The following SLC7A5 variants were observed in gnomAD, a reference collection of about 807,000 sequenced individuals.
SLC7A5 encodes large neutral amino acids transporter small subunit 1.
Under a neutral mutation model 50.2 loss-of-function variants are expected in SLC7A5, and 23 were observed. That is an observed-to-expected ratio of 0.46 (90% CI 0.33 to 0.65). The LOEUF is 0.65. Ranked by LOEUF, SLC7A5 falls within the 30% of genes least tolerant of loss-of-function variation. The pLI is 0.02. For synonymous variants in SLC7A5, 393 were observed against 330.6 expected (o/e 1.19, Z -2.05); for missense variants, 578 against 684.4 (o/e 0.84, Z 1.73).
chr16:87,844,053 C>T (rs908778961), intron 2 of SLC7A5, among the ~76,000 whole-genome samples: 3 of 150,842 alleles, frequency 2.0e-5, no homozygotes, highest in African/African-American at 7.5e-5. Flanking sequence ...CAGCCTCCAC[C>T]CACAAGGAGG....
intron 3 of SLC7A5, 65 bp downstream of exon 3, chr16:87,840,985 G>A: frequency 8.8e-7 from 1 of 1,133,186 alleles, no homozygotes; most frequent in Non-Finnish European, 1.3e-6. Context: ...GGAGATTTGG[G>A]ATTCCTGGAC....
chr16:87,862,639 G>C lies in SLC7A5; in HGVS notation c.538+6246C>G, dbSNP rs9933362. On this transcript the variant is annotated intron_variant, in intron 1 of 9. Coordinates refer to ENST00000261622, the MANE Select transcript of SLC7A5 (RefSeq NM_003486.7). This position sits in a 1 kb window ranked among gnomAD's most constrained non-coding sequence, Gnocchi z 5.3. ...GGCTGAGGGCTGCTCCATGTGCACA[G>C]TGAGCAGGAGATACAGGCACGTGGA... is the stretch of plus-strand genomic sequence containing the variant. 0.013 allele frequency among the ~76,000 whole-genome samples: 2,026 copies of C among 152,360 alleles called. 60 individuals are homozygous for C. Among genetic ancestry groups the C allele is most frequent in the African/African-American group, 0.046 (1,929 of 41,590 alleles).
chr16:87,863,339 G>T (rs988044475), intron 1 of SLC7A5, among the ~76,000 whole-genome samples: 4 of 152,142 alleles, frequency 2.6e-5, no homozygotes, highest in Non-Finnish European at 4.4e-5. Context: ...ACTTTGAGTG[G>T]ATGCTACCCT....
At chr16:87,842,357 A>G (rs927484106) in intron 2 of SLC7A5, among the ~76,000 whole-genome samples, 1 of 152,200 alleles carries the variant, frequency 6.6e-6, no homozygotes, top group African/African-American at 2.4e-5. Context: ...ATGGGGGCCC[A>G]AGAAGGGGAA....
intron 1 of SLC7A5, among the ~76,000 whole-genome samples, chr16:87,868,604 C>G (rs2055492538): frequency 6.6e-6 from 1 of 152,198 alleles, no homozygotes; most frequent in Non-Finnish European, 1.5e-5. Flanking sequence ...TGGCACTTGC[C>G]TAAACCGCTT....
chr16:87,850,328 G>A (rs2143778872), intron 2 of SLC7A5, among the ~76,000 whole-genome samples: 1 of 152,250 alleles, frequency 6.6e-6, no homozygotes, highest in African/African-American at 2.4e-5. Context: ...GCATGTTTTG[G>A]CCTGGCCGTG....
Position 87,860,898 on chromosome 16 carries a change from A to G in SLC7A5, c.538+7987T>C, listed in dbSNP as rs944212300. Among the ~76,000 whole-genome samples, 2 of 152,184 alleles carry G rather than the reference A, an allele frequency of 1.3e-5. No individual in the cohort carries two copies. Among genetic ancestry groups the G allele is most frequent in the Admixed American group, 6.5e-5 (1 of 15,286 alleles). The stretch of plus-strand genomic sequence containing the variant: ...GGGGTGGTCTGACGGCCAGGGATGC[A>G]GGGAGAGACGCCTCCCACACTCCCG... On this transcript the variant is annotated intron_variant, in intron 1 of 9. Transcript: ENST00000261622. The surrounding 1 kb of genome is among the most constrained non-coding windows in gnomAD (Gnocchi z 4.8).
At chr16:87,864,426 C>T (rs2055437311) in intron 1 of SLC7A5, among the ~76,000 whole-genome samples, 1 of 152,216 alleles carries the variant, frequency 6.6e-6, no homozygotes, top group African/African-American at 2.4e-5. Flanking sequence ...ATCCTGCCCA[C>T]TGGTCCGGGC....
intron 1 of SLC7A5, among the ~76,000 whole-genome samples, chr16:87,857,679 A>G (rs56688704): frequency 0.26 from 39,075 of 152,174 alleles, 5,687 homozygotes; most frequent in African/African-American, 0.38. Flanking sequence ...CCCTGGGCAA[A>G]CAGAGAGATG....
chr16:87,853,219 C>A lies in SLC7A5; in HGVS notation c.539-1370G>T, dbSNP rs184742234. On this transcript the variant is annotated intron_variant, in intron 1 of 9. Transcript: ENST00000261622. The surrounding 1 kb of genome is among the most constrained non-coding windows in gnomAD (Gnocchi z 4.4). ...ATCCTGTGGAATCTTACAATGTAAG[C>A]AACAGACCCCGAGGAAAGACATCCA... 6.6e-6 allele frequency among the ~76,000 whole-genome samples: 1 copy of A among 152,328 alleles called. No homozygotes were observed. The highest frequency in any genetic ancestry group is 1.5e-5 in the Non-Finnish European group (1 of 68,030).
intron 8 of SLC7A5, 99 bp downstream of exon 8, chr16:87,836,399 G>C (rs2055003780): frequency 7.1e-7 from 1 of 1,402,458 alleles, no homozygotes; most frequent in African/African-American, 1.4e-5. Context: ...CAGGTCCAGA[G>C]GCTGAGCTGG....
Position 87,842,793 on chromosome 16 carries a change from C to T in SLC7A5, c.665-1638G>A, listed in dbSNP as rs141038096. ...TTCTGGTCACCAGGTGGTCAGCAGGCGGAGCTTGACTCTGCAGGCCTGGAG... is the reference window on the plus strand; with the variant it reads ...TTCTGGTCACCAGGTGGTCAGCAGGTGGAGCTTGACTCTGCAGGCCTGGAG... On this transcript the variant is annotated intron_variant, in intron 2 of 9. Transcript: ENST00000261622. Among the ~76,000 whole-genome samples, 534 of 152,304 alleles carry T rather than the reference C, an allele frequency of 3.5e-3. 3 individuals are homozygous for T. Among genetic ancestry groups the T allele is most frequent in the African/African-American group, 0.013 (521 of 41,558 alleles).
chr16:87,868,329 G>T (rs907430281), intron 1 of SLC7A5, among the ~76,000 whole-genome samples: 6 of 152,082 alleles, frequency 3.9e-5, no homozygotes, highest in Non-Finnish European at 8.8e-5. Flanking sequence ...GGAACCCTCA[G>T]GGGGGATCCC....
intron 2 of SLC7A5, among the ~76,000 whole-genome samples, chr16:87,851,469 C>T (rs867439014): frequency 6.6e-6 from 1 of 152,196 alleles, no homozygotes; most frequent in Non-Finnish European, 1.5e-5. Context: ...TCACAGACAT[C>T]GCAGCGTAAA....
intron 2 of SLC7A5, among the ~76,000 whole-genome samples, chr16:87,846,886 C>A (rs2055161113): frequency 6.6e-6 from 1 of 152,232 alleles, no homozygotes; most frequent in Non-Finnish European, 1.5e-5. Flanking sequence ...ACGCGGTGAG[C>A]CTGGCCTCCT....
rs1222934919 is a variant in SLC7A5, at chr16:87,861,809, G to A, written c.538+7076C>T. Among the ~76,000 whole-genome samples, 3 of 152,222 alleles carry A rather than the reference G, an allele frequency of 2.0e-5. No individual in the cohort carries two copies. The highest frequency in any genetic ancestry group is 7.2e-5 in the African/African-American group (3 of 41,454). On this transcript the variant is annotated intron_variant, in intron 1 of 9. Coordinates refer to ENST00000261622, the MANE Select transcript of SLC7A5 (RefSeq NM_003486.7). The surrounding 1 kb of genome is among the most constrained non-coding windows in gnomAD (Gnocchi z 4.2). ...AGTGCCCGTTAGGCTCTCCTGTGTG[G>A]CTCAGGTCATGTGCTTCTGTGAGCT...
chr16:87,833,105 C>A lies in SLC7A5; in HGVS notation c.1469-80G>T. 8.3e-7 allele frequency: 1 copy of A among 1,204,142 alleles called. No homozygotes were observed. The highest frequency in any genetic ancestry group is 1.2e-6 in the Non-Finnish European group (1 of 807,844). The allele number at this position is 1,204,142 out of a possible 1,614,324, so 74.6% of individuals were successfully genotyped here. A position where few individuals can be genotyped will look rare whatever the true frequency, so the allele number is the denominator to read the frequency against. The stretch of plus-strand genomic sequence containing the variant: ...GACACGGGGGCGTGAGCTGGGGCTC[C>A]CCCAGCCCTGCTGTCACCAAACCCA... On this transcript the variant is annotated intron_variant, in intron 9 of 9. Coordinates refer to ENST00000261622, the MANE Select transcript of SLC7A5 (RefSeq NM_003486.7). The surrounding 1 kb of genome is among the most constrained non-coding windows in gnomAD (Gnocchi z 6.0).
intron 2 of SLC7A5, among the ~76,000 whole-genome samples, chr16:87,842,233 G>A (rs773698595): frequency 2.6e-5 from 4 of 152,278 alleles, no homozygotes; most frequent in African/African-American, 9.6e-5. Flanking sequence ...TTAGAGAACC[G>A]TGTGTGACAG....
At position 87,841,299 on chromosome 16, in the gene SLC7A5, C is replaced by T. The variant is rs2055080456; in HGVS notation, c.665-144G>A. ...TTTTCACTGTGACAAATGGTATGTA[C>T]CTGCTGAGCCACATGGAGGGTGCAG... On this transcript the variant is annotated intron_variant, in intron 2 of 9. Coordinates refer to ENST00000261622, the MANE Select transcript of SLC7A5 (RefSeq NM_003486.7). The surrounding 1 kb of genome is among the most constrained non-coding windows in gnomAD (Gnocchi z 4.8). 1.5e-6 allele frequency: 1 copy of T among 676,662 alleles called. No individual in the cohort carries two copies. The highest frequency in any genetic ancestry group is 2.7e-6 in the Non-Finnish European group (1 of 368,326). 41.9% of individuals were successfully genotyped at this position (676,662 alleles called of 1,614,324 possible).
Sources: gnomAD v4.1 joint callset for allele counts (sites outside exome capture counted in the v4.1 genomes callset) on GRCh38, gnomAD v4.1.1 for gene constraint, Gnocchi (gnomAD v3.1) non-coding constraint, MANE v1.5 for transcripts, NCBI Gene and HGNC (gene_info 2026-07-23, HGNC 2026-07-21) for gene names.